Variants in MRTFA observed in about 807,000 individuals in gnomAD.
MRTFA encodes the protein myocardin related transcription factor A.
MRTFA carries 20 observed loss-of-function variants against 83.5 expected under a neutral mutation model. That is an observed-to-expected ratio of 0.24 (90% CI 0.17 to 0.35). The LOEUF (loss-of-function observed/expected upper bound fraction) is 0.35. MRTFA is among the 10% of genes least tolerant of loss of function. MRTFA has a pLI of 1.00. For synonymous variants in MRTFA, 659 were observed against 541.2 expected (o/e 1.22, Z -3.02); for missense variants, 1,200 against 1,224.7 (o/e 0.98, Z 0.30).
At chr22:40,542,340 C>A (rs964903301) in intron 3 of MRTFA, among the ~76,000 whole-genome samples, 7 of 152,184 alleles carry the variant, frequency 4.6e-5, no homozygotes, top group African/African-American at 1.7e-4. Flanking sequence ...ACTATTAGAT[C>A]TGTTATTCTG....
chr22:40,457,485 A>AGAAAGAAG (rs1491138060), intron 4 of MRTFA, among the ~76,000 whole-genome samples: 29 of 133,344 alleles, frequency 2.2e-4, no homozygotes, highest in African/African-American at 5.9e-4. Flanking sequence ...AAAGAAAGAA[A>AGAAAGAAG]GAAGGAAAGA....
At chr22:40,491,284 G>A (rs2054267748) in intron 3 of MRTFA, among the ~76,000 whole-genome samples, 1 of 152,138 alleles carries the variant, frequency 6.6e-6, no homozygotes, top group Non-Finnish European at 1.5e-5. Flanking sequence ...GGAGGTTGCA[G>A]TGAGCCATGA....
At chr22:40,502,285 G>A (rs1404660447) in intron 3 of MRTFA, among the ~76,000 whole-genome samples, 5 of 126,256 alleles carry the variant, frequency 4.0e-5, no homozygotes, top group African/African-American at 1.6e-4. Context: ...CCGGGCGGAG[G>A]GGCTCCTCAC....
At chr22:40,453,127 C>T (rs1344221674) in intron 4 of MRTFA, among the ~76,000 whole-genome samples, 1 of 152,194 alleles carries the variant, frequency 6.6e-6, no homozygotes, top group African/African-American at 2.4e-5. Context: ...ACATACCTAA[C>T]ACAATTTTCT....
At chr22:40,611,623 G>A (rs2147414559) in intron 1 of MRTFA, among the ~76,000 whole-genome samples, 1 of 152,286 alleles carries the variant, frequency 6.6e-6, no homozygotes, top group Middle Eastern at 3.4e-3. Flanking sequence ...CATGGGACAG[G>A]AAAGCTGTTC....
intron 3 of MRTFA, among the ~76,000 whole-genome samples, chr22:40,503,109 T>C (rs1569300849): frequency 6.6e-6 from 1 of 152,302 alleles, no homozygotes; most frequent in East Asian, 1.9e-4. Context: ...CAAGCTGTAC[T>C]GTGTATCATC....
intron 3 of MRTFA, among the ~76,000 whole-genome samples, chr22:40,527,286 C>T (rs781731927): frequency 2.0e-5 from 3 of 152,024 alleles, no homozygotes; most frequent in Non-Finnish European, 2.9e-5. Context: ...GCCATTTATG[C>T]GACTTTGCCA....
At chr22:40,480,743 C>CTTTTTTTT (rs758150714) in intron 3 of MRTFA, among the ~76,000 whole-genome samples, 1 of 93,524 alleles carries the variant, frequency 1.1e-5, no homozygotes, top group African/African-American at 4.8e-5. Context: ...GAGTTCAAGA[C>CTTTTTTTT]TTTTTTTTTT....
Position 40,605,608 on chromosome 22 carries a change from T to C in MRTFA, c.-83-10873A>G, listed in dbSNP as rs114743129. ...ATTTATGTTTTTAAGAAGATCATTC[T>C]TGTTACTCTGGAAAGAATGGATTGA... On this transcript the variant is annotated intron_variant, in intron 1 of 14. Coordinates refer to ENST00000355630, the MANE Select transcript of MRTFA (RefSeq NM_020831.6). Among the ~76,000 whole-genome samples, 505 of 152,372 alleles carry C rather than the reference T, an allele frequency of 3.3e-3. 3 individuals are homozygous for C. The highest frequency in any genetic ancestry group is 0.012 in the African/African-American group (481 of 41,596).
At chr22:40,633,370 G>A in intron 1 of MRTFA, among the ~76,000 whole-genome samples, 1 of 152,202 alleles carries the variant, frequency 6.6e-6, no homozygotes, top group Non-Finnish European at 1.5e-5. Flanking sequence ...GGAGCTTACA[G>A]TAGTATATGA....
At chr22:40,612,354 C>T (rs76465636) in intron 1 of MRTFA, among the ~76,000 whole-genome samples, 1,525 of 152,240 alleles carry the variant, frequency 0.01, 18 homozygotes, top group Non-Finnish European at 0.017. Flanking sequence ...CAAGAAGGTA[C>T]GTTATTCAGC....
intron 3 of MRTFA, among the ~76,000 whole-genome samples, chr22:40,519,911 C>A (rs1407341452): frequency 6.6e-6 from 1 of 152,120 alleles, no homozygotes. Flanking sequence ...TTTAAGCTTA[C>A]AACAACTAGA....
chr22:40,623,241 C>G (rs923505092), intron 1 of MRTFA, among the ~76,000 whole-genome samples: 2 of 152,184 alleles, frequency 1.3e-5, no homozygotes, highest in African/African-American at 4.8e-5. Context: ...CTTTACCCAG[C>G]TCCAATCTTT....
intron 2 of MRTFA, among the ~76,000 whole-genome samples, chr22:40,574,754 A>G (rs533668232): frequency 6.6e-6 from 1 of 152,210 alleles, no homozygotes; most frequent in African/African-American, 2.4e-5. Context: ...ATTATAAATA[A>G]TCTAGAGATG....
chr22:40,516,422 G>GAAAAAAA (rs56745896), intron 3 of MRTFA, among the ~76,000 whole-genome samples: 12 of 46,820 alleles, frequency 2.6e-4, no homozygotes, highest in African/African-American at 3.1e-4. Flanking sequence ...ACTGCCTCAA[G>GAAAAAAA]AAAAAAAAAA....
chr22:40,460,532 A>G (rs1467660481), intron 4 of MRTFA, among the ~76,000 whole-genome samples: 3 of 152,198 alleles, frequency 2.0e-5, no homozygotes, highest in African/African-American at 7.2e-5. Flanking sequence ...CAATGCCTTG[A>G]GGGCAGATAC....
chr22:40,538,394 A>G (rs982843230), intron 3 of MRTFA, among the ~76,000 whole-genome samples: 1 of 149,796 alleles, frequency 6.7e-6, no homozygotes, highest in Non-Finnish European at 1.5e-5. Flanking sequence ...GTCATCACCA[A>G]TCCCTAATCT....
At chr22:40,635,318 T>C (rs185582522) in intron 1 of MRTFA, among the ~76,000 whole-genome samples, 6 of 144,836 alleles carry the variant, frequency 4.1e-5, no homozygotes, top group Non-Finnish European at 7.5e-5. Context: ...AAGTAAAACA[T>C]GTAGGTCTAA....
rs192957697 is a variant in MRTFA at position 40,444,792 on chromosome 22, G to T, written c.308-9238C>A. Among the ~76,000 whole-genome samples, 8 of 152,236 alleles carry T rather than the reference G, an allele frequency of 5.3e-5. No homozygotes were observed. In the East Asian group the frequency reaches 1.5e-3, roughly 29 times the overall value. On this transcript the variant is annotated intron_variant, in intron 4 of 14. Coordinates refer to ENST00000355630, the MANE Select transcript of MRTFA (RefSeq NM_020831.6). ...TTTAAAAAAAAAAAATGAGGGCCTG[G>T]TGCAGTGGCTCACACCTGTAACCCC...
Sources: gnomAD v4.1 joint callset for allele counts (sites outside exome capture counted in the v4.1 genomes callset) on GRCh38, gnomAD v4.1.1 for gene constraint, MANE v1.5 for transcripts, NCBI Gene and HGNC (gene_info 2026-07-23, HGNC 2026-07-21) for gene names.